FGGY: variants seen among roughly 807,000 people sequenced by gnomAD.
FGGY encodes the protein FGGY carbohydrate kinase domain containing.
FGGY carries 72 observed loss-of-function variants against 71.3 expected under a neutral mutation model. The observed-to-expected ratio is 1.01, with a 90% CI of 0.84 to 1.23. FGGY has a LOEUF of 1.23. Ranked by LOEUF, FGGY falls within the 50% of genes most tolerant of loss-of-function variation. The pLI is 0.00. For missense variants in FGGY, 668 were observed against 682.3 expected, an observed-to-expected ratio of 0.98 and a Z score of 0.23; for synonymous variants, 251 against 250.3, an observed-to-expected ratio of 1.00 and a Z score of -0.02.
intron 14 of FGGY, among the ~76,000 whole-genome samples, chr1:59,733,747 A>C (rs929099360): frequency 1.3e-5 from 2 of 152,132 alleles, no homozygotes; most frequent in African/African-American, 4.8e-5. Context: ...AGATCTAAAA[A>C]CAGGAGCTCT....
At chr1:59,498,264 C>T (rs1173686445) in intron 6 of FGGY, among the ~76,000 whole-genome samples, 4 of 152,166 alleles carry the variant, frequency 2.6e-5, no homozygotes, top group African/African-American at 9.7e-5. Context: ...TGCCCAAAGT[C>T]ATTCAACTCA....
intron 14 of FGGY, among the ~76,000 whole-genome samples, chr1:59,722,609 T>C (rs1236327248): frequency 6.6e-6 from 1 of 152,236 alleles, no homozygotes; most frequent in African/African-American, 2.4e-5. Flanking sequence ...GTTGTAGCCA[T>C]TGGCAACTCC....
At chr1:59,459,993 T>C (rs956518102) in intron 6 of FGGY, among the ~76,000 whole-genome samples, 1 of 152,128 alleles carries the variant, frequency 6.6e-6, no homozygotes, top group Non-Finnish European at 1.5e-5. Context: ...AAAATGTAAA[T>C]TCCAAGTCCA....
intron 14 of FGGY, among the ~76,000 whole-genome samples, chr1:59,757,171 G>C (rs2098298889): frequency 6.6e-6 from 1 of 152,096 alleles, no homozygotes; most frequent in South Asian, 2.1e-4. Flanking sequence ...AGGTCTGTTG[G>C]ACTCCAAAGT....
intron 14 of FGGY, chr1:59,699,142 A>G (rs1232779237): frequency 1.0e-6 from 1 of 985,404 alleles, no homozygotes; most frequent in Non-Finnish European, 1.2e-6. Flanking sequence ...AACAAATTAT[A>G]CCACAAACTT....
chr1:59,645,118 T>C (rs1572555679), intron 11 of FGGY, among the ~76,000 whole-genome samples: 2 of 152,292 alleles, frequency 1.3e-5, no homozygotes, highest in South Asian at 4.1e-4. Context: ...AGGGCCCAGG[T>C]TTTGAAATCG....
chr1:59,512,490 T>G (rs1466406313), intron 7 of FGGY, 51 bp downstream of exon 7: 12 of 1,577,922 alleles, frequency 7.6e-6, no homozygotes, highest in Non-Finnish European at 9.5e-6. Flanking sequence ...AATGGAATAT[T>G]CCCTAGAACC....
At position 59,638,395 on chromosome 1, in the gene FGGY, T is replaced by A. The variant is rs371396570; in HGVS notation, c.1221+20T>A. 6.2e-6 allele frequency: 10 copies of A among 1,613,488 alleles called. No individual in the cohort carries two copies. The African/African-American group carries it at 1.2e-4, about 19-fold the overall frequency. On this transcript the variant is annotated intron_variant, in intron 11 of 15. Coordinates refer to ENST00000303721, the MANE Select transcript of FGGY (RefSeq NM_018291.5). ...GGCATGGTAAGTAACAGCTAGTCCT[T>A]GCACATGGGTGAAGGCAGGCCAAAG...
chr1:59,712,145 C>CA (rs2097799155), intron 14 of FGGY, among the ~76,000 whole-genome samples: 1 of 152,194 alleles, frequency 6.6e-6, no homozygotes, highest in African/African-American at 2.4e-5. Flanking sequence ...AAAGGGTCTA[C>CA]AGGCCCCATG....
intron 5 of FGGY, among the ~76,000 whole-genome samples, chr1:59,445,743 AAGG>A (rs1417106713): frequency 3.3e-5 from 5 of 152,236 alleles, no homozygotes; most frequent in African/African-American, 1.2e-4. Context: ...TTGTTAAAAA[AAGG>A]AGATAACAGA....
intron 14 of FGGY, among the ~76,000 whole-genome samples, chr1:59,734,393 C>T (rs1472749068): frequency 2.6e-5 from 4 of 152,064 alleles, no homozygotes; most frequent in Non-Finnish European, 2.9e-5. Context: ...TTTGTAGAGA[C>T]GGGGTTTTGC....
chr1:59,320,327 C>A (rs835407), intron 1 of FGGY, among the ~76,000 whole-genome samples: 3,315 of 152,234 alleles, frequency 0.022, 121 homozygotes, highest in African/African-American at 0.076. Flanking sequence ...CTTTCAGAAT[C>A]TCCATGTTTG....
At chr1:59,354,089 CT>C (rs977721008) in intron 4 of FGGY, among the ~76,000 whole-genome samples, 7 of 121,324 alleles carry the variant, frequency 5.8e-5, no homozygotes, top group Admixed American at 4.7e-4. Context: ...CTTTTCTTTT[CT>C]TTTTTTTGAG....
chr1:59,500,248 A>G (rs994937756), intron 6 of FGGY, among the ~76,000 whole-genome samples: 1 of 152,216 alleles, frequency 6.6e-6, no homozygotes, highest in African/African-American at 2.4e-5. Flanking sequence ...CTTGATATTC[A>G]TCTTTAAGGA....
intron 11 of FGGY, among the ~76,000 whole-genome samples, chr1:59,648,100 AG>A (rs1244912573): frequency 2.7e-5 from 3 of 109,850 alleles, no homozygotes; most frequent in Non-Finnish European, 5.3e-5. Context: ...ATGGCTGCAT[AG>A]TATTCCATGG....
chr1:59,675,712 A>G (rs1317083557), intron 14 of FGGY, among the ~76,000 whole-genome samples: 2 of 152,240 alleles, frequency 1.3e-5, no homozygotes, highest in Non-Finnish European at 2.9e-5. Flanking sequence ...TGTTCTCACA[A>G]TTAAATATCT....
intron 13 of FGGY, among the ~76,000 whole-genome samples, chr1:59,668,214 G>A (rs1016356952): frequency 3.9e-5 from 6 of 152,142 alleles, no homozygotes; most frequent in Admixed American, 2.0e-4. Context: ...TTCTGTTGTC[G>A]CAGAGAGTGG....
chr1:59,442,412 GTTTGTTTGTTTTTGTTTTTGTT>G (rs1290259114), intron 5 of FGGY, among the ~76,000 whole-genome samples: 1 of 149,192 alleles, frequency 6.7e-6, no homozygotes, highest in Non-Finnish European at 1.5e-5. Flanking sequence ...CCATTTTCCT[GTTTGTTTGTTTTTGTTTTTGTT>G]TTTGTTTTTG....
intron 7 of FGGY, among the ~76,000 whole-genome samples, chr1:59,533,051 A>G (rs1359781668): frequency 6.6e-6 from 1 of 152,220 alleles, no homozygotes; most frequent in Non-Finnish European, 1.5e-5. Context: ...TCCCAGCTTG[A>G]GCGACACAGC....
Sources: gnomAD v4.1 joint callset for allele counts (sites outside exome capture counted in the v4.1 genomes callset) on GRCh38, gnomAD v4.1.1 for gene constraint, MANE v1.5 for transcripts, NCBI Gene and HGNC (gene_info 2026-07-23, HGNC 2026-07-21) for gene names.